Variants in AFAP1L1 observed in about 807,000 individuals in gnomAD.
The protein encoded by AFAP1L1 is actin filament-associated protein 1-like 1.
In AFAP1L1, 77 loss-of-function variants were observed where a neutral mutation model predicts 99.8. The ratio of observed to expected loss-of-function variants is 0.77; its 90% CI spans 0.64 to 0.93. AFAP1L1 has a LOEUF of 0.93. Among genes scored for constraint, AFAP1L1 ranks in the 40% least tolerant of loss-of-function variants. The pLI is 0.00. For synonymous variants in AFAP1L1, 373 were observed against 395.3 expected, an observed-to-expected ratio of 0.94 and a Z score of 0.67; for missense variants, 893 against 996.8, an observed-to-expected ratio of 0.90 and a Z score of 1.40.
chr5:149,280,651 A>C (rs768338116), intron 1 of AFAP1L1, among the ~76,000 whole-genome samples: 2 of 152,212 alleles, frequency 1.3e-5, no homozygotes, highest in South Asian at 4.1e-4. Flanking sequence ...CTGTTACCCA[A>C]AGCAACCTCT....
chr5:149,302,771 A>C, intron 5 of AFAP1L1: 2 of 386,444 alleles, frequency 5.2e-6, no homozygotes, highest in South Asian at 4.6e-5. Flanking sequence ...GGCCTTGGAA[A>C]ATCCCCTTGC....
chr5:149,314,801 G>C (rs1388319610), intron 9 of AFAP1L1, among the ~76,000 whole-genome samples: 1 of 152,206 alleles, frequency 6.6e-6, no homozygotes, highest in African/African-American at 2.4e-5. Flanking sequence ...GGCAGGAAAG[G>C]CTTTGGGGCC....
At position 149,317,871 on chromosome 5, in the gene AFAP1L1, G is replaced by C. The variant is rs758790151; in HGVS notation, c.1410G>C (p.Pro470=). The C allele has an allele frequency of 3.1e-6, 5 of 1,603,132 alleles. No homozygotes were observed. The highest frequency in any genetic ancestry group is 4.3e-6 in the Non-Finnish European group (5 of 1,174,978). The change falls in exon 12 of 19, where the codon CCG becomes CCC. Residue 470 remains proline (P), a synonymous_variant. Transcript: ENST00000296721. ...AIALQGCEVA[P]GFGPRHPFAF... ...CCCTGCAAGGCTGTGAGGTGGCCCC[G>C]GGCTTTGGGCCCCGACACCCATTTG...
intron 1 of AFAP1L1, among the ~76,000 whole-genome samples, chr5:149,283,029 C>T (rs1319589385): frequency 6.6e-6 from 1 of 152,146 alleles, no homozygotes; most frequent in East Asian, 1.9e-4. Context: ...ACCGGGGCAG[C>T]ACCTAAGGAA....
rs773976316 is a variant in AFAP1L1, at chr5:149,320,397, A to G, written c.1632A>G (p.Ala544=). Residue 544 remains alanine, a synonymous_variant, in exon 14 of 19, where the codon GCA becomes GCG. Transcript: ENST00000296721. The surrounding 1 kb of genome is among the most constrained non-coding windows in gnomAD (Gnocchi z 4.0). ...CGTACATTTTATTTTCTAGATATGC[A>G]AGATCCTGCCAGAATCAGTGGCCTG... ...VSAGRNSFLY[A]RSCQNQWPEP... The G allele has an allele frequency of 6.2e-7, 1 of 1,614,112 alleles. No homozygotes were observed. Among genetic ancestry groups the G allele is most frequent in the South Asian group, 1.1e-5 (1 of 91,076 alleles).
chr5:149,286,933 C>T (rs528950635), intron 1 of AFAP1L1, among the ~76,000 whole-genome samples: 29 of 152,328 alleles, frequency 1.9e-4, no homozygotes, highest in Admixed American at 1.2e-3. Flanking sequence ...ACACAGCGCA[C>T]TGTGGGAGGT....
At chr5:149,299,479 G>A (rs1019284342) in intron 1 of AFAP1L1, 30 bp from the exon 2 acceptor site, 2 of 1,613,084 alleles carry the variant, frequency 1.2e-6, no homozygotes, top group Non-Finnish European at 1.7e-6. Context: ...CTGTGCAGCT[G>A]TGACTGTGCC....
rs142260655 is a variant in AFAP1L1, at chr5:149,300,316, C to T, written c.191C>T (p.Ser64Leu). ...YLYVNTADLH[S>L]GPSFVESLFE... Reference sequence around the variant, plus strand: ...TATGTGAACACAGCAGACCTCCACTCGGGGCCCAGCTTCGTGGAATCCCTC... The same window carrying T: ...TATGTGAACACAGCAGACCTCCACTTGGGGCCCAGCTTCGTGGAATCCCTC... The change falls in exon 3 of 19, where the codon TCG becomes TTG. Residue 64 changes from serine (S) to leucine (L), a missense_variant. Physicochemically the swap from Ser to Leu is moderately radical, Grantham distance 145. Coordinates refer to ENST00000296721, the MANE Select transcript of AFAP1L1 (RefSeq NM_152406.4). 9.9e-6 allele frequency: 16 copies of T among 1,613,440 alleles called. No individual in the cohort carries two copies. Among genetic ancestry groups the T allele is most frequent in the African/African-American group, 2.7e-5 (2 of 74,900 alleles).
At chr5:149,283,141 G>A (rs947757382) in intron 1 of AFAP1L1, among the ~76,000 whole-genome samples, 2 of 152,222 alleles carry the variant, frequency 1.3e-5, no homozygotes, top group African/African-American at 4.8e-5. Context: ...ACAAGGAGTA[G>A]TGGCTTGCCT....
chr5:149,326,265 G>A (rs1757092649), intron 15 of AFAP1L1, among the ~76,000 whole-genome samples: 1 of 152,218 alleles, frequency 6.6e-6, no homozygotes, highest in African/African-American at 2.4e-5. Flanking sequence ...TCAGCCGGGC[G>A]TGATGGCTCA....
At chr5:149,296,600 A>T (rs111772813) in intron 1 of AFAP1L1, among the ~76,000 whole-genome samples, 95 of 152,330 alleles carry the variant, frequency 6.2e-4, no homozygotes, top group Middle Eastern at 6.8e-3. Flanking sequence ...TGAGACAGAG[A>T]GAGAATGCGC....
At chr5:149,329,886 A>G in intron 16 of AFAP1L1, 56 bp downstream of exon 16, 2 of 1,490,196 alleles carry the variant, frequency 1.3e-6, no homozygotes, top group Non-Finnish European at 8.9e-7. Context: ...ATCCTTGGGT[A>G]CAGTAAAGGG....
At chr5:149,326,101 A>C (rs902167457) in intron 15 of AFAP1L1, among the ~76,000 whole-genome samples, 1 of 152,212 alleles carries the variant, frequency 6.6e-6, no homozygotes, top group Non-Finnish European at 1.5e-5. Flanking sequence ...CTCTTCCTCG[A>C]AAGAACTGAC....
chr5:149,310,061 C>T lies in AFAP1L1; in HGVS notation c.853C>T (p.Arg285Cys), dbSNP rs371084172. The change falls in exon 8 of 19, where the codon CGT becomes TGT. Residue 285 changes from arginine to cysteine, a missense_variant. Transcript: ENST00000296721. ...CAGCCGGCACAAGAGGCACGAGCTG[C>T]GTTTCACCCAGGGGGCTACCGAGGT... is the stretch of plus-strand genomic sequence containing the variant. ...KDSRHKRHEL[R>C]FTQGATEVLV... is the part of the protein sequence containing the mutation. 13 of 1,614,132 alleles carry T rather than the reference C, an allele frequency of 8.1e-6. No homozygotes were observed. In the South Asian group the frequency reaches 1.2e-4, roughly 15 times the overall value.
chr5:149,306,031 C>T (rs1756399757), intron 5 of AFAP1L1, among the ~76,000 whole-genome samples: 1 of 152,298 alleles, frequency 6.6e-6, no homozygotes, highest in South Asian at 2.1e-4. Context: ...GAGAAGTCCT[C>T]TGGTAGAAGA....
intron 1 of AFAP1L1, among the ~76,000 whole-genome samples, chr5:149,286,711 C>T (rs546070393): frequency 3.3e-5 from 5 of 152,314 alleles, no homozygotes; most frequent in African/African-American, 1.2e-4. Context: ...ACAGGGTGCT[C>T]CTGCTTCTCA....
At chr5:149,338,941 A>T (rs1033406154) in intron 18 of AFAP1L1, among the ~76,000 whole-genome samples, 1 of 152,214 alleles carries the variant, frequency 6.6e-6, no homozygotes, top group Admixed American at 6.5e-5. Flanking sequence ...AGGTGATTCC[A>T]GTGAAAGGAA....
intron 1 of AFAP1L1, among the ~76,000 whole-genome samples, chr5:149,277,412 A>G (rs1755370254): frequency 6.6e-6 from 1 of 152,206 alleles, no homozygotes; most frequent in Non-Finnish European, 1.5e-5. Flanking sequence ...TAGGAAGGCC[A>G]TGTCTTCCCT....
chr5:149,335,803 C>A (rs1003184296), intron 18 of AFAP1L1, 81 bp downstream of exon 18: 22 of 1,553,654 alleles, frequency 1.4e-5, no homozygotes, highest in South Asian at 2.4e-5. Flanking sequence ...ACCAAAAAAT[C>A]AACTAGTGAG....
Sources: allele counts gnomAD v4.1 joint callset (sites outside exome capture counted in the v4.1 genomes callset), GRCh38; gene constraint gnomAD v4.1.1; non-coding constraint Gnocchi (gnomAD v3.1); transcripts MANE v1.5; gene names NCBI Gene and HGNC (gene_info 2026-07-23, HGNC 2026-07-21).